The following MDFIC variants were observed in gnomAD, a reference collection of about 807,000 sequenced individuals.
MDFIC encodes the protein myoD family inhibitor domain-containing protein.
MDFIC carries 17 observed loss-of-function variants against 23.2 expected under a neutral mutation model. The observed-to-expected ratio is 0.73, with a 90% CI of 0.50 to 1.10. The LOEUF is 1.10. Among genes scored for constraint, MDFIC ranks in the 50% least tolerant of loss-of-function variants. The pLI, the probability that MDFIC is intolerant of heterozygous loss-of-function variation, is 0.00. For synonymous variants in MDFIC, 120 were observed against 115.2 expected (o/e 1.04, Z -0.27); for missense variants, 356 against 316.6 (o/e 1.12, Z -0.95).
At chr7:114,951,531 A>G (rs772711307) in intron 3 of MDFIC, among the ~76,000 whole-genome samples, 2 of 152,098 alleles carry the variant, frequency 1.3e-5, no homozygotes, top group African/African-American at 2.4e-5. Context: ...ATGTGTGTTT[A>G]TTTTTTTCTT....
At chr7:114,929,084 G>GATCTATCTATCGATCTATCTATCTATCT (rs1792256139) in intron 2 of MDFIC, among the ~76,000 whole-genome samples, 1 of 147,960 alleles carries the variant, frequency 6.8e-6, no homozygotes, top group Non-Finnish European at 1.5e-5. Context: ...GATAAATATA[G>GATCTATCTATCGATCTATCTATCTATCT]ATCTATCTAT....
chr7:114,955,182 A>G (rs1386252765), intron 3 of MDFIC, among the ~76,000 whole-genome samples: 1 of 152,244 alleles, frequency 6.6e-6, no homozygotes, highest in Non-Finnish European at 1.5e-5. Context: ...ACCCCAAGCA[A>G]TCAGCATAAT....
At position 114,938,339 on chromosome 7, in the gene MDFIC, A is replaced by G. The variant is rs117730732; in HGVS notation, c.95-3936A>G. ...TAATTAGATGATTAGATACAAATCT[A>G]TTTTCTAGTACTTGGAATACTGTGA... On this transcript the variant is annotated intron_variant, in intron 2 of 4. Coordinates refer to ENST00000393486, the MANE Select transcript of MDFIC (RefSeq NM_001166345.3). Among the ~76,000 whole-genome samples, 712 of 152,354 alleles carry G rather than the reference A, an allele frequency of 4.7e-3. 3 individuals carry two copies. The highest frequency in any genetic ancestry group is 8.1e-3 in the Non-Finnish European group (548 of 68,032).
chr7:114,968,567 G>A (rs151028300), intron 3 of MDFIC, among the ~76,000 whole-genome samples: 147 of 152,242 alleles, frequency 9.7e-4, no homozygotes, highest in African/African-American at 3.4e-3. Context: ...ATATGGGTTG[G>A]ACAAGATAAT....
intron 4 of MDFIC, among the ~76,000 whole-genome samples, chr7:115,015,006 T>C (rs936680746): frequency 1.3e-5 from 2 of 152,190 alleles, no homozygotes; most frequent in Non-Finnish European, 2.9e-5. Context: ...ACTGTGTCAT[T>C]ATTCACATTT....
At chr7:114,991,833 G>C (rs1791172773) in intron 4 of MDFIC, among the ~76,000 whole-genome samples, 1 of 152,178 alleles carries the variant, frequency 6.6e-6, no homozygotes, top group South Asian at 2.1e-4. Flanking sequence ...GGCAATGTGG[G>C]CTCTTTTTTG....
chr7:115,003,281 A>C (rs1453662201), intron 4 of MDFIC, among the ~76,000 whole-genome samples: 1 of 152,116 alleles, frequency 6.6e-6, no homozygotes, highest in African/African-American at 2.4e-5. Flanking sequence ...TGACAGTTTC[A>C]GCCACCTTTC....
rs1562833150 is a variant in MDFIC, at chr7:115,018,924, A to G, written c.*2989A>G. On this transcript the variant is annotated 3_prime_UTR_variant, in exon 5 of 5. Transcript: ENST00000393486. ...GACTCATGTCCGTAAATGAACTATG[A>G]AAGATATCGATCAGTTTATGATCAT... 2 of 152,108 alleles carry G rather than the reference A, an allele frequency of 1.3e-5. No individual in the cohort carries two copies. Among genetic ancestry groups the G allele is most frequent in the East Asian group, 3.9e-4 (2 of 5,188 alleles). 9.4% of individuals were successfully genotyped at this position (152,108 alleles called of 1,614,324 possible). A position where few individuals can be genotyped will look rare whatever the true frequency, so the allele number is the denominator to read the frequency against.
At chr7:114,992,726 T>G (rs984180244) in intron 4 of MDFIC, among the ~76,000 whole-genome samples, 2 of 152,234 alleles carry the variant, frequency 1.3e-5, no homozygotes, top group African/African-American at 4.8e-5. Context: ...ATAAGCTTTT[T>G]GATGTGCTTC....
chr7:114,961,073 T>C (rs1792980952), intron 3 of MDFIC, among the ~76,000 whole-genome samples: 1 of 151,902 alleles, frequency 6.6e-6, no homozygotes, highest in African/African-American at 2.4e-5. Flanking sequence ...GAATATCAGG[T>C]TTCCTCCGCA....
At chr7:115,002,728 A>G (rs1323856081) in intron 4 of MDFIC, among the ~76,000 whole-genome samples, 1 of 152,160 alleles carries the variant, frequency 6.6e-6, no homozygotes, top group Non-Finnish European at 1.5e-5. Context: ...CATTCAAAGG[A>G]GGAGATACAG....
At chr7:114,949,683 A>G (rs1792722294) in intron 3 of MDFIC, among the ~76,000 whole-genome samples, 1 of 152,192 alleles carries the variant, frequency 6.6e-6, no homozygotes, top group South Asian at 2.1e-4. Context: ...TTCAAAGTTT[A>G]CAGTCTTGTG....
intron 3 of MDFIC, among the ~76,000 whole-genome samples, chr7:114,944,733 C>T (rs1160798636): frequency 3.9e-5 from 6 of 152,152 alleles, no homozygotes; most frequent in African/African-American, 1.2e-4. Flanking sequence ...TTAAGCATCT[C>T]GCACATTTTG....
intron 3 of MDFIC, among the ~76,000 whole-genome samples, chr7:114,967,401 A>G (rs1201638650): frequency 6.6e-6 from 1 of 152,208 alleles, no homozygotes; most frequent in Non-Finnish European, 1.5e-5. Flanking sequence ...TCATTCTTTG[A>G]TGAAATGCCT....
intron 4 of MDFIC, among the ~76,000 whole-genome samples, chr7:114,999,441 A>T (rs1478791837): frequency 6.6e-6 from 1 of 151,968 alleles, no homozygotes; most frequent in Non-Finnish European, 1.5e-5. Context: ...TTAAAATTAC[A>T]TTCCAAGATG....
chr7:114,941,759 A>C (rs981734031), intron 2 of MDFIC, among the ~76,000 whole-genome samples: 1 of 152,126 alleles, frequency 6.6e-6, no homozygotes, highest in Non-Finnish European at 1.5e-5. Context: ...CCCCCTTCTC[A>C]GAGGATGCAT....
At chr7:114,999,852 C>A (rs1393640536) in intron 4 of MDFIC, among the ~76,000 whole-genome samples, 1 of 152,070 alleles carries the variant, frequency 6.6e-6, no homozygotes, top group East Asian at 1.9e-4. Flanking sequence ...TTTGTTATTT[C>A]TCTCAATTAT....
intron 4 of MDFIC, among the ~76,000 whole-genome samples, chr7:114,998,286 TCA>T: frequency 6.6e-6 from 1 of 152,322 alleles, no homozygotes; most frequent in Admixed American, 6.5e-5. Context: ...GCTTTCAACT[TCA>T]GTTATTTGAG....
intron 4 of MDFIC, among the ~76,000 whole-genome samples, chr7:114,991,727 G>A (rs1791168028): frequency 6.6e-6 from 1 of 152,202 alleles, no homozygotes; most frequent in Non-Finnish European, 1.5e-5. Flanking sequence ...TTTGGTACCA[G>A]TACCATGCTG....
Sources: allele counts gnomAD v4.1 joint callset (sites outside exome capture counted in the v4.1 genomes callset), GRCh38; gene constraint gnomAD v4.1.1; transcripts MANE v1.5; gene names NCBI Gene and HGNC (gene_info 2026-07-23, HGNC 2026-07-21).